The following MECOM variants were observed in gnomAD, a reference collection of about 807,000 sequenced individuals.
MECOM encodes MDS1 and EVI1 complex locus.
A neutral mutation model predicts 116.3 loss-of-function variants in MECOM; 13 were observed. That is an observed-to-expected ratio of 0.11 (90% CI 0.07 to 0.18). The LOEUF is 0.18. MECOM is among the 10% of genes least tolerant of loss of function. MECOM has a pLI of 1.00. For synonymous variants in MECOM, 528 were observed against 535.2 expected, an observed-to-expected ratio of 0.99 and a Z score of 0.19; for missense variants, 1,299 against 1,509.0, an observed-to-expected ratio of 0.86 and a Z score of 2.31.
At chr3:169,468,173 C>G (rs1387544459) in intron 1 of MECOM, among the ~76,000 whole-genome samples, 1 of 152,056 alleles carries the variant, frequency 6.6e-6, no homozygotes, top group African/African-American at 2.4e-5. Flanking sequence ...CCCAGGGTTC[C>G]CTACACTTTT....
At chr3:169,091,338 G>A (rs1158425439) in intron 14 of MECOM, among the ~76,000 whole-genome samples, 6 of 152,104 alleles carry the variant, frequency 3.9e-5, no homozygotes, top group Admixed American at 3.9e-4. Context: ...AAAGTAGCCT[G>A]GTAGGAGTTC....
chr3:169,352,233 T>C (rs2149808078), intron 2 of MECOM, among the ~76,000 whole-genome samples: 1 of 151,986 alleles, frequency 6.6e-6, no homozygotes, highest in Admixed American at 6.6e-5. Flanking sequence ...AATAATTGAG[T>C]TCTAATAGAA....
intron 2 of MECOM, among the ~76,000 whole-genome samples, chr3:169,182,304 C>T (rs1038735918): frequency 7.2e-5 from 11 of 152,158 alleles, no homozygotes; most frequent in Admixed American, 5.9e-4. Flanking sequence ...TTGTGGTGTT[C>T]GTTATTTCAT....
chr3:169,505,961 C>T (rs1032264299), intron 1 of MECOM, among the ~76,000 whole-genome samples: 5 of 152,120 alleles, frequency 3.3e-5, no homozygotes, highest in Non-Finnish European at 7.4e-5. Flanking sequence ...CATCATTAAC[C>T]TGCCAATTCT....
intron 1 of MECOM, among the ~76,000 whole-genome samples, chr3:169,557,742 T>C (rs966471254): frequency 1.3e-5 from 2 of 152,210 alleles, no homozygotes; most frequent in Non-Finnish European, 2.9e-5. Flanking sequence ...AGGTTCCTTA[T>C]TCACTGTAGG....
chr3:169,148,222 C>T (rs571480536), intron 2 of MECOM, among the ~76,000 whole-genome samples: 1 of 152,072 alleles, frequency 6.6e-6, no homozygotes, highest in Non-Finnish European at 1.5e-5. Flanking sequence ...GAGTCTTTGC[C>T]ATTTTCTTTG....
intron 4 of MECOM, among the ~76,000 whole-genome samples, chr3:169,129,314 G>C (rs902219774): frequency 4.0e-5 from 6 of 151,898 alleles, no homozygotes; most frequent in African/African-American, 1.5e-4. Flanking sequence ...GAAGCTGGAG[G>C]GGGTGCAGCT....
chr3:169,448,402 G>A (rs1745013042), intron 1 of MECOM, among the ~76,000 whole-genome samples: 1 of 152,124 alleles, frequency 6.6e-6, no homozygotes, highest in Non-Finnish European at 1.5e-5. Flanking sequence ...AATCCTTCAA[G>A]ACAGTGTTTT....
intron 2 of MECOM, among the ~76,000 whole-genome samples, chr3:169,355,842 TC>T (rs1727184327): frequency 6.6e-6 from 1 of 151,770 alleles, no homozygotes; most frequent in Non-Finnish European, 1.5e-5. Context: ...CTTTTTTTTT[TC>T]CAATTTTATA....
At chr3:169,217,857 T>A (rs1406298140) in intron 2 of MECOM, among the ~76,000 whole-genome samples, 5 of 145,608 alleles carry the variant, frequency 3.4e-5, no homozygotes, top group Non-Finnish European at 7.6e-5. Flanking sequence ...TATATATATA[T>A]AATCCCCATA....
chr3:169,262,946 TTCAG>T, intron 2 of MECOM, among the ~76,000 whole-genome samples: 1 of 149,820 alleles, frequency 6.7e-6, no homozygotes, highest in African/African-American at 2.5e-5. Context: ...CAATCACTAC[TTCAG>T]CTCAGCTGCC....
At position 169,175,499 on chromosome 3, in the gene MECOM, G is replaced by T. The variant is rs796677645; in HGVS notation, c.376-31667C>A. Among the ~76,000 whole-genome samples, 92 of 152,142 alleles carry T rather than the reference G, an allele frequency of 6.0e-4. 1 individual carries two copies. Among genetic ancestry groups the T allele is most frequent in the African/African-American group, 2.2e-3 (91 of 41,522 alleles). On this transcript the variant is annotated intron_variant, in intron 2 of 16. Transcript: ENST00000651503. ...AAATAAATTTTGTGTTTAGATTTGG[G>T]TCCCATCCCCAAGATATCTCATTAT...
At chr3:169,408,512 C>T (rs949085315) in intron 1 of MECOM, among the ~76,000 whole-genome samples, 6 of 152,138 alleles carry the variant, frequency 3.9e-5, no homozygotes, top group African/African-American at 1.2e-4. Context: ...AACAACAGAG[C>T]AAGAATGAAG....
At chr3:169,170,543 G>C (rs992946170) in intron 2 of MECOM, among the ~76,000 whole-genome samples, 2 of 151,844 alleles carry the variant, frequency 1.3e-5, no homozygotes, top group African/African-American at 2.4e-5. Context: ...ATACACTTTC[G>C]TGGATGCTGA....
intron 2 of MECOM, among the ~76,000 whole-genome samples, chr3:169,355,201 A>G (rs1727048524): frequency 6.6e-6 from 1 of 151,954 alleles, no homozygotes; most frequent in South Asian, 2.1e-4. Context: ...TTTCCTCCAT[A>G]TGCATAATTT....
chr3:169,224,311 G>C (rs1019063051), intron 2 of MECOM, among the ~76,000 whole-genome samples: 2 of 152,216 alleles, frequency 1.3e-5, no homozygotes, highest in African/African-American at 4.8e-5. Context: ...GATAGAGCAT[G>C]CAATACTGGC....
intron 1 of MECOM, among the ~76,000 whole-genome samples, chr3:169,635,102 G>A (rs1390891399): frequency 6.6e-6 from 1 of 152,138 alleles, no homozygotes; most frequent in Non-Finnish European, 1.5e-5. Flanking sequence ...GCATTGTCCG[G>A]GGAAGGGGGT....
intron 2 of MECOM, among the ~76,000 whole-genome samples, chr3:169,193,345 G>A (rs2149430325): frequency 6.6e-6 from 1 of 152,058 alleles, no homozygotes; most frequent in East Asian, 1.9e-4. Context: ...GAAAAAAATA[G>A]TTCTCAACTC....
rs1221952866 is a variant in MECOM at position 169,223,376 on chromosome 3, A to G, written c.376-79544T>C. On this transcript the variant is annotated intron_variant, in intron 2 of 16. Transcript: ENST00000651503. ...GTTCAATTCCCACCTATGAGTGAGA[A>G]CATGTGGTGTTTGGTTTTCTGTCCT... Among the ~76,000 whole-genome samples the G allele has an allele frequency of 2.1e-5, 3 of 144,194 alleles. No individual in the cohort carries two copies. The South Asian group carries it at 6.7e-4, about 32-fold the overall frequency. 94.6% of individuals were successfully genotyped at this position (144,194 alleles called of 152,430 possible).
Sources: allele counts gnomAD v4.1 joint callset (sites outside exome capture counted in the v4.1 genomes callset), GRCh38; gene constraint gnomAD v4.1.1; transcripts MANE v1.5; gene names NCBI Gene and HGNC (gene_info 2026-07-23, HGNC 2026-07-21).